CAMK2G: variants seen among roughly 807,000 people sequenced by gnomAD.
The protein encoded by CAMK2G is calcium/calmodulin dependent protein kinase II gamma.
Under a neutral mutation model 88.7 loss-of-function variants are expected in CAMK2G, and 23 were observed. The ratio of observed to expected loss-of-function variants is 0.26; its 90% CI spans 0.19 to 0.37. The LOEUF is 0.37. Ranked by LOEUF, CAMK2G falls within the 10% of genes least tolerant of loss-of-function variation. CAMK2G has a pLI of 1.00. For synonymous variants in CAMK2G, 263 were observed against 294.8 expected (o/e 0.89, Z 1.11); for missense variants, 476 against 780.8 (o/e 0.61, Z 4.65).
chr10:73,825,168 G>A, intron 16 of CAMK2G, 111 bp downstream of exon 16: 1 of 804,896 alleles, frequency 1.2e-6, no homozygotes, highest in Non-Finnish European at 2.2e-6. Flanking sequence ...GTTCTATGGG[G>A]ACCAAGAAAG....
At position 73,844,637 on chromosome 10, in the gene CAMK2G, G is replaced by A. The variant is rs185182492; in HGVS notation, c.820-2096C>T. On this transcript the variant is annotated intron_variant, in intron 10 of 22. Coordinates refer to ENST00000423381, the MANE Select transcript of CAMK2G (RefSeq NM_001367534.1). ...TTGGCCAGGCTGGTCTTGAACTCGT[G>A]GCCTCAAGTGATCGCCTGCCTTGGT... is the stretch of plus-strand genomic sequence containing the variant. Among the ~76,000 whole-genome samples, 180 of 152,080 alleles carry A rather than the reference G, an allele frequency of 1.2e-3. 8 individuals are homozygous for A. Among genetic ancestry groups the A allele is most frequent in the African/African-American group, 3.9e-3 (161 of 41,466 alleles).
rs1341200262 is a variant in CAMK2G, at chr10:73,820,934, CAA to C, written c.1249+746_1249+747del. Among the ~76,000 whole-genome samples, 14 of 152,026 alleles carry C rather than the reference CAA, an allele frequency of 9.2e-5. 1 individual carries two copies. The East Asian group carries it at 1.9e-3, about 21-fold the overall frequency. On this transcript the variant is annotated intron_variant, in intron 18 of 22. Coordinates refer to ENST00000423381, the MANE Select transcript of CAMK2G (RefSeq NM_001367534.1). ...AGGTGATCCACCCACCTTGGCCTCC[CAA>C]AGTGTTGGGATTACAGGCGTGAGCC...
chr10:73,861,248 C>T (rs990767261), intron 2 of CAMK2G, among the ~76,000 whole-genome samples: 10 of 152,192 alleles, frequency 6.6e-5, no homozygotes, highest in African/African-American at 2.2e-4. Flanking sequence ...AGGGTTTGCA[C>T]ACTTCGAGCC....
chr10:73,817,727 CTCTGCAG>C (rs2133157307), intron 19 of CAMK2G, 173 bp from the exon 20 acceptor site: 1 of 612,228 alleles, frequency 1.6e-6, no homozygotes, highest in South Asian at 1.9e-5. Context: ...CCGTCTCCCT[CTCTGCAG>C]TCTGCAGAGA....
chr10:73,837,659 C>T (rs1438618193), intron 13 of CAMK2G, 148 bp from the exon 14 acceptor site: 1 of 738,382 alleles, frequency 1.4e-6, no homozygotes, highest in East Asian at 2.5e-5. Flanking sequence ...TTCCTATAGC[C>T]TCTCAGCAAG....
intron 3 of CAMK2G, among the ~76,000 whole-genome samples, chr10:73,860,097 C>T (rs1184891067): frequency 6.6e-6 from 1 of 152,214 alleles, no homozygotes; most frequent in Non-Finnish European, 1.5e-5. Flanking sequence ...TGCAGCCAGC[C>T]CAGTTTCTGT....
intron 12 of CAMK2G, among the ~76,000 whole-genome samples, chr10:73,841,176 G>A (rs1234149336): frequency 6.6e-6 from 1 of 152,240 alleles, no homozygotes; most frequent in Non-Finnish European, 1.5e-5. Context: ...GGCGTTACCT[G>A]GAGCCAGCGC....
chr10:73,829,121 GC>G (rs1430770804), intron 14 of CAMK2G, among the ~76,000 whole-genome samples: 1 of 152,086 alleles, frequency 6.6e-6, no homozygotes, highest in Non-Finnish European at 1.5e-5. Context: ...CCCTCAAGCG[GC>G]CAGCATTCTT....
intron 13 of CAMK2G, among the ~76,000 whole-genome samples, chr10:73,838,685 T>C (rs1197884061): frequency 6.6e-6 from 1 of 152,170 alleles, no homozygotes; most frequent in African/African-American, 2.4e-5. Context: ...TATCTTGTCG[T>C]GCTGGGTTTG....
chr10:73,834,454 C>G lies in CAMK2G; in HGVS notation c.1053+3014G>C, dbSNP rs568700133. ...ACACATTGCAGGGCTAGGTTCCCCA[C>G]GCACGTCCTCATTTAAAGCCTTTAC... is the stretch of plus-strand genomic sequence containing the variant. On this transcript the variant is annotated intron_variant, in intron 14 of 22. Transcript: ENST00000423381. Among the ~76,000 whole-genome samples the G allele has an allele frequency of 7.2e-5, 11 of 152,286 alleles. No individual in the cohort carries two copies. In the South Asian group the frequency reaches 2.1e-3, roughly 29 times the overall value.
At chr10:73,864,028 G>A (rs966882635) in intron 2 of CAMK2G, among the ~76,000 whole-genome samples, 2 of 152,190 alleles carry the variant, frequency 1.3e-5, no homozygotes, top group African/African-American at 4.8e-5. Flanking sequence ...AAACCCACCC[G>A]AGCTTCATTC....
intron 14 of CAMK2G, chr10:73,837,125 A>G: frequency 6.8e-6 from 2 of 291,980 alleles, no homozygotes; most frequent in East Asian, 6.8e-5. Flanking sequence ...TGCTCTAAAA[A>G]GGAAAAAAAG....
chr10:73,833,190 T>A (rs897219011), intron 14 of CAMK2G, among the ~76,000 whole-genome samples: 12 of 151,660 alleles, frequency 7.9e-5, no homozygotes, highest in African/African-American at 2.7e-4. Flanking sequence ...CTCAAGCTCT[T>A]GGGTTCAAGC....
At chr10:73,860,714 A>G (rs2095335113) in intron 3 of CAMK2G, 116 bp downstream of exon 3, 1 of 787,592 alleles carries the variant, frequency 1.3e-6, no homozygotes, top group Non-Finnish European at 2.2e-6. Context: ...TCATGTAAAA[A>G]CAGACACCAG....
At chr10:73,843,876 C>G (rs1343677294) in intron 10 of CAMK2G, among the ~76,000 whole-genome samples, 1 of 152,154 alleles carries the variant, frequency 6.6e-6, no homozygotes, top group Non-Finnish European at 1.5e-5. Flanking sequence ...GCTCAGACTT[C>G]CACTCACAAG....
rs1380477154 is a variant in CAMK2G, at chr10:73,847,753, G to T, written c.696+235C>A. Among the ~76,000 whole-genome samples, 3 of 152,178 alleles carry T rather than the reference G, an allele frequency of 2.0e-5. No homozygotes were observed. In the East Asian group the frequency reaches 5.8e-4, roughly 29 times the overall value. On this transcript the variant is annotated intron_variant, in intron 9 of 22. Coordinates refer to ENST00000423381, the MANE Select transcript of CAMK2G (RefSeq NM_001367534.1). ...CCATTCTTTGCAAGTAAAGATCAAAGGACTTCAGTGGACTCCTCAATTTTA... is the reference window on the plus strand; with the variant it reads ...CCATTCTTTGCAAGTAAAGATCAAATGACTTCAGTGGACTCCTCAATTTTA...
intron 2 of CAMK2G, among the ~76,000 whole-genome samples, chr10:73,872,293 T>C (rs1019423892): frequency 1.3e-5 from 1 of 78,852 alleles, no homozygotes; most frequent in Non-Finnish European, 3.3e-5. Flanking sequence ...CCTTGGCCTT[T>C]ATGCTCCTCA....
chr10:73,824,005 C>G, intron 17 of CAMK2G, 35 bp downstream of exon 17: 2 of 1,590,502 alleles, frequency 1.3e-6, no homozygotes, highest in Non-Finnish European at 1.7e-6. Flanking sequence ...TCCTGCTGAC[C>G]TGGAAAGCAG....
intron 19 of CAMK2G, chr10:73,818,113 T>G: frequency 6.0e-6 from 1 of 166,696 alleles, no homozygotes; most frequent in Non-Finnish European, 1.3e-5. Context: ...GATGGATGCT[T>G]CCCACTGCTC....
Sources: gnomAD v4.1 joint callset for allele counts (sites outside exome capture counted in the v4.1 genomes callset) on GRCh38, gnomAD v4.1.1 for gene constraint, MANE v1.5 for transcripts, NCBI Gene and HGNC (gene_info 2026-07-23, HGNC 2026-07-21) for gene names.